NEDD4: variants seen among roughly 807,000 people sequenced by gnomAD.
NEDD4 encodes NEDD4 E3 ubiquitin protein ligase.
Under a neutral mutation model 144.9 loss-of-function variants are expected in NEDD4, and 99 were observed. That is an observed-to-expected ratio of 0.68 (90% CI 0.58 to 0.81). NEDD4 has a LOEUF of 0.81. Among genes scored for constraint, NEDD4 ranks in the 30% least tolerant of loss-of-function variants. The probability of loss-of-function intolerance (pLI) is 0.00; values close to 1 mark genes in which losing one functional copy is unlikely to be tolerated. For missense variants in NEDD4, 985 were observed against 1,065.9 expected (o/e 0.92, Z 1.06); for synonymous variants, 318 against 350.6 (o/e 0.91, Z 1.04).
In NEDD4 at chr15:55,827,372, C is replaced by G. The variant is rs1172981746; in HGVS notation, c.*2525G>C. ...TGTGTTGCTTGATAGATGTTTCTTC[C>G]AGACCACGAGCCCCTAGTGGGAGAT... On this transcript the variant is annotated 3_prime_UTR_variant, in exon 29 of 29. Transcript: ENST00000435532. 1 of 152,102 alleles carries G rather than the reference C, an allele frequency of 6.6e-6. No individual in the cohort carries two copies. Among genetic ancestry groups the G allele is most frequent in the Admixed American group, 6.6e-5 (1 of 15,264 alleles). 9.4% of individuals were successfully genotyped at this position (152,102 alleles called of 1,614,324 possible).
At chr15:55,918,326 C>T (rs1478099820) in intron 5 of NEDD4, among the ~76,000 whole-genome samples, 1 of 151,976 alleles carries the variant, frequency 6.6e-6, no homozygotes, top group Non-Finnish European at 1.5e-5. Context: ...TCTCAAATGC[C>T]ATAGACCAAG....
intron 5 of NEDD4, among the ~76,000 whole-genome samples, chr15:55,893,798 C>G (rs2035649417): frequency 6.8e-6 from 1 of 148,098 alleles, no homozygotes; most frequent in Non-Finnish European, 1.5e-5. Context: ...TGGATTCATA[C>G]TACATACTAG....
intron 5 of NEDD4, among the ~76,000 whole-genome samples, chr15:55,906,924 C>T (rs961905256): frequency 2.0e-5 from 3 of 151,826 alleles, no homozygotes; most frequent in South Asian, 2.1e-4. Context: ...GGTGAAACCC[C>T]ATCTCTACTA....
chr15:55,878,995 T>C (rs1260299922), intron 5 of NEDD4, among the ~76,000 whole-genome samples: 4 of 152,164 alleles, frequency 2.6e-5, no homozygotes, highest in South Asian at 2.1e-4. Context: ...GCTAATTTTT[T>C]TGTGTTATTA....
At chr15:55,890,434 A>G (rs1230302598) in intron 5 of NEDD4, among the ~76,000 whole-genome samples, 1 of 152,120 alleles carries the variant, frequency 6.6e-6, no homozygotes, top group Non-Finnish European at 1.5e-5. Context: ...TGGATATTTC[A>G]TATAAGTGGA....
At chr15:55,987,281 T>C (rs2037911703) in intron 1 of NEDD4, 2 of 17,008 alleles carry the variant, frequency 1.2e-4, no homozygotes, top group Non-Finnish European at 2.5e-4. Flanking sequence ...TTTTGAGAAG[T>C]GTCTGTTCAT....
intron 1 of NEDD4, among the ~76,000 whole-genome samples, chr15:55,969,887 T>TG (rs1273352474): frequency 7.0e-5 from 10 of 143,754 alleles, no homozygotes; most frequent in African/African-American, 2.5e-4. Flanking sequence ...GAGGGAAAAG[T>TG]AAAAAAAAAA....
chr15:55,932,413 C>T (rs1017418675), intron 4 of NEDD4, among the ~76,000 whole-genome samples: 16 of 151,592 alleles, frequency 1.1e-4, no homozygotes, highest in Non-Finnish European at 1.8e-4. Context: ...AAACAAGAAA[C>T]GGGGAAAGGA....
intron 22 of NEDD4, 75 bp from the exon 23 acceptor site, chr15:55,838,255 C>T (rs1595728752): frequency 2.0e-5 from 21 of 1,035,798 alleles, no homozygotes; most frequent in East Asian, 1.1e-4. Context: ...TGTAGTTATA[C>T]GAGAAACTTG....
At chr15:55,877,865 C>G (rs2035047631) in intron 5 of NEDD4, among the ~76,000 whole-genome samples, 1 of 151,910 alleles carries the variant, frequency 6.6e-6, no homozygotes, top group African/African-American at 2.4e-5. Context: ...CTCAAATTGT[C>G]CCAGATATGG....
chr15:55,992,143 T>C (rs75612702), intron 1 of NEDD4: 1 of 152,298 alleles, frequency 6.6e-6, no homozygotes, highest in South Asian at 2.1e-4. Flanking sequence ...GGTGAAGTGC[T>C]GTATTATCTT....
intron 17 of NEDD4, among the ~76,000 whole-genome samples, chr15:55,847,676 CTTTTTT>C (rs149696600): frequency 1.8e-5 from 2 of 113,588 alleles, no homozygotes; most frequent in Non-Finnish European, 1.9e-5. Context: ...TTTCTTTTTC[CTTTTTT>C]TTTTTTTTTT....
At chr15:55,906,645 T>A (rs761594337) in intron 5 of NEDD4, among the ~76,000 whole-genome samples, 2 of 74,292 alleles carry the variant, frequency 2.7e-5, no homozygotes, top group African/African-American at 1.0e-4. Context: ...GGTGGGGGGC[T>A]GGGGGAGGGA....
intron 5 of NEDD4, among the ~76,000 whole-genome samples, chr15:55,877,211 A>G (rs2035024791): frequency 1.3e-5 from 2 of 152,214 alleles, no homozygotes; most frequent in Non-Finnish European, 2.9e-5. Context: ...CCAGGGTCCA[A>G]TTCAGACTCA....
In NEDD4 at chr15:55,838,624, T is replaced by G. The variant is rs770398902; in HGVS notation, c.2032-20A>C. 1 of 1,538,978 alleles carries G rather than the reference T, an allele frequency of 6.5e-7. No individual in the cohort carries two copies. Among genetic ancestry groups the G allele is most frequent in the South Asian group, 1.1e-5 (1 of 89,020 alleles). The stretch of plus-strand genomic sequence containing the variant: ...ACTATCCTAGATGGGAAAAATTACA[T>G]ATTTAAAATTTGTATCTATAACACA... On this transcript the variant is annotated intron_variant, in intron 21 of 28. Transcript: ENST00000435532.
chr15:55,892,469 T>G (rs1270433066), intron 5 of NEDD4, among the ~76,000 whole-genome samples: 2 of 152,004 alleles, frequency 1.3e-5, no homozygotes, highest in African/African-American at 4.8e-5. Context: ...TCAATCATGC[T>G]TTTTAAAGAG....
chr15:55,985,990 T>C (rs554491523), intron 1 of NEDD4, among the ~76,000 whole-genome samples: 2 of 152,272 alleles, frequency 1.3e-5, no homozygotes, highest in South Asian at 2.1e-4. Flanking sequence ...CAAAGAATGA[T>C]GGGGACTTGT....
At chr15:55,865,934 C>G (rs1009562397) in intron 8 of NEDD4, among the ~76,000 whole-genome samples, 55 of 151,948 alleles carry the variant, frequency 3.6e-4, no homozygotes, top group African/African-American at 1.3e-3. Context: ...GGGAATTTCT[C>G]TCTTTCTTCT....
intron 21 of NEDD4, among the ~76,000 whole-genome samples, chr15:55,839,995 A>AAT (rs2033408303): frequency 3.3e-5 from 1 of 30,026 alleles, no homozygotes; most frequent in East Asian, 1.1e-3. Flanking sequence ...AAAAAAAAAA[A>AAT]AAAAATATAT....
Sources: gnomAD v4.1 joint callset for allele counts (sites outside exome capture counted in the v4.1 genomes callset) on GRCh38, gnomAD v4.1.1 for gene constraint, MANE v1.5 for transcripts, NCBI Gene and HGNC (gene_info 2026-07-23, HGNC 2026-07-21) for gene names.